Variants in PHF21B observed in about 807,000 individuals in gnomAD.
PHF21B encodes the protein PHD finger protein 4.
A neutral mutation model predicts 62.2 loss-of-function variants in PHF21B; 22 were observed. The ratio of observed to expected loss-of-function variants is 0.35; its 90% CI spans 0.25 to 0.51. The LOEUF is 0.51. PHF21B is among the 20% of genes least tolerant of loss of function. The pLI, the probability that PHF21B is intolerant of heterozygous loss-of-function variation, is 0.97. For missense variants in PHF21B, 701 were observed against 707.9 expected, an observed-to-expected ratio of 0.99 and a Z score of 0.11; for synonymous variants, 341 against 314.7, an observed-to-expected ratio of 1.08 and a Z score of -0.88.
chr22:44,885,857 C>A lies in PHF21B; in HGVS notation c.1273+6G>T, dbSNP rs1336290789. The A allele has an allele frequency of 6.2e-7, 1 of 1,613,816 alleles. No individual in the cohort carries two copies. The highest frequency in any genetic ancestry group is 8.5e-7 in the Non-Finnish European group (1 of 1,179,764). ...TACCCTTTTCCACTCCCCAGGGATG[C>A]CTCACCTGTCTTGTGGGTGACATAA... On this transcript the variant is annotated splice_donor_region_variant and intron_variant, in intron 11 of 12. Transcript: ENST00000313237.
chr22:44,924,954 G>A (rs573279190), intron 2 of PHF21B, among the ~76,000 whole-genome samples: 1 of 152,118 alleles, frequency 6.6e-6, no homozygotes, highest in Non-Finnish European at 1.5e-5. Context: ...ATCTTCACAC[G>A]ACAGAGTATT....
intron 2 of PHF21B, among the ~76,000 whole-genome samples, chr22:44,961,945 AT>A (rs145656480): frequency 1.2e-4 from 18 of 151,910 alleles, no homozygotes; most frequent in South Asian, 2.1e-4. Flanking sequence ...GCATTATTTT[AT>A]TTTTTTTATG....
At chr22:44,912,051 T>C (rs62232243) in intron 5 of PHF21B, among the ~76,000 whole-genome samples, 13,896 of 152,332 alleles carry the variant, frequency 0.091, 688 homozygotes, top group Non-Finnish European at 0.1. Context: ...AAGGTTTAAC[T>C]GCCCCACCAG....
At chr22:44,885,577 G>C (rs1231198946) in intron 11 of PHF21B, 48 bp from the exon 12 acceptor site, 1 of 1,523,474 alleles carries the variant, frequency 6.6e-7, no homozygotes, top group Admixed American at 2.0e-5. Flanking sequence ...GTAAGGAGCG[G>C]CTGGGTCGTA....
chr22:44,924,563 C>T (rs1297645287), intron 2 of PHF21B, among the ~76,000 whole-genome samples: 1 of 152,204 alleles, frequency 6.6e-6, no homozygotes, highest in East Asian at 1.9e-4. Context: ...TCCTCTCTCT[C>T]TCTCATTCTC....
At chr22:44,988,858 T>C (rs1296712516) in intron 2 of PHF21B, among the ~76,000 whole-genome samples, 1 of 152,112 alleles carries the variant, frequency 6.6e-6, no homozygotes, top group Admixed American at 6.5e-5. Flanking sequence ...GGCTGGGAAG[T>C]CCACGTGGAG....
Position 44,920,421 on chromosome 22 carries a change from G to A in PHF21B, c.190C>T (p.Gln64Ter). 6.2e-7 allele frequency: 1 copy of A among 1,611,992 alleles called. No homozygotes were observed. The highest frequency in any genetic ancestry group is 1.1e-5 in the South Asian group (1 of 90,730). Reference protein sequence around the residue: ...QVSSLQRLAGQGAAVLPQVRP... With the variant: ...QVSSLQRLAG Reference sequence around the variant, plus strand: ...ACCTGAGGTAGCACTGCCGCTCCTTGCCCGGCCAACCTCTGCAAGGAGCTG... The same window carrying A: ...ACCTGAGGTAGCACTGCCGCTCCTTACCCGGCCAACCTCTGCAAGGAGCTG... The change falls in exon 3 of 13, where the codon CAA becomes TAA. Residue 64 changes from glutamine to a stop codon, truncating the protein, a stop_gained. Transcript: ENST00000313237. LOFTEE classifies it high-confidence loss of function.
intron 9 of PHF21B, among the ~76,000 whole-genome samples, chr22:44,888,327 G>T (rs540872522): frequency 3.5e-4 from 54 of 152,310 alleles, no homozygotes; most frequent in African/African-American, 7.5e-4. Context: ...AGGAGGGGGG[G>T]CACCCACAGG....
chr22:44,978,358 GTTTGT>G (rs1485155893), intron 2 of PHF21B, among the ~76,000 whole-genome samples: 1 of 152,008 alleles, frequency 6.6e-6, no homozygotes, highest in African/African-American at 2.4e-5. Flanking sequence ...TTTTGTTTTT[GTTTGT>G]TTTGTTTGTT....
chr22:44,889,926 G>A (rs916157160), intron 8 of PHF21B, 144 bp from the exon 9 acceptor site: 19 of 774,900 alleles, frequency 2.5e-5, no homozygotes, highest in East Asian at 6.5e-5. Flanking sequence ...TGATACCTGG[G>A]CTCTCACCCC....
rs1299173525 is a variant in PHF21B at position 45,009,754 on chromosome 22, C to CGGCTGCCCCAACTCCTCA, written c.-223_-206dup. On this transcript the variant is annotated 5_prime_UTR_variant, in exon 1 of 13. Coordinates refer to ENST00000313237, the MANE Select transcript of PHF21B (RefSeq NM_138415.5). This position sits in a 1 kb window ranked among gnomAD's most constrained non-coding sequence, Gnocchi z 5.9. ...TCCGGGCGCCGCGGCGCCGAGCCCT[C>CGGCTGCCCCAACTCCTCA]GGCTGCCCCAACTCCTCAGGCTGCC... 3 of 434,808 alleles carry CGGCTGCCCCAACTCCTCA rather than the reference C, an allele frequency of 6.9e-6. No individual in the cohort carries two copies. In the East Asian group the frequency reaches 1.3e-4, roughly 18 times the overall value. The allele number at this position is 434,808 out of a possible 1,614,324, so 26.9% of individuals were successfully genotyped here.
intron 2 of PHF21B, among the ~76,000 whole-genome samples, chr22:44,928,876 G>A (rs951545347): frequency 1.3e-5 from 2 of 152,188 alleles, no homozygotes; most frequent in Non-Finnish European, 2.9e-5. Context: ...GGGCTGCAGA[G>A]GCCCCCCACC....
chr22:44,889,168 C>A (rs2070915105), intron 9 of PHF21B, among the ~76,000 whole-genome samples: 1 of 152,012 alleles, frequency 6.6e-6, no homozygotes, highest in Non-Finnish European at 1.5e-5. Flanking sequence ...AGAATTAGAT[C>A]AGAAATTCAG....
At chr22:44,966,256 C>T (rs1210083717) in intron 2 of PHF21B, among the ~76,000 whole-genome samples, 4 of 152,232 alleles carry the variant, frequency 2.6e-5, no homozygotes, top group African/African-American at 9.7e-5. Flanking sequence ...CCCAACCACG[C>T]GACGAGCCCT....
chr22:44,885,952 G>A lies in PHF21B; in HGVS notation c.1198-14C>T, dbSNP rs761722929. On this transcript the variant is annotated splice_polypyrimidine_tract_variant and intron_variant, in intron 10 of 12. Transcript: ENST00000313237. Reference sequence around the variant, plus strand: ...TTTCTTTAAGGCCTGGGGAGCAGACGGGGAGATGAAAAAGTGGACAGGCCC... The same window carrying A: ...TTTCTTTAAGGCCTGGGGAGCAGACAGGGAGATGAAAAAGTGGACAGGCCC... 32 of 1,613,174 alleles carry A rather than the reference G, an allele frequency of 2.0e-5. No individual in the cohort carries two copies. Among genetic ancestry groups the A allele is most frequent in the African/African-American group, 2.7e-5 (2 of 75,028 alleles).
Position 44,913,903 on chromosome 22 carries a change from C to T in PHF21B, c.750G>A (p.Pro250=), listed in dbSNP as rs749543133. ...CTCCCTGAGATGGCTCCTCTGTGGG[C>T]GGCCGCGACTCTGCCGTGCTCTCGG... is the stretch of plus-strand genomic sequence containing the variant. ...TQPESTAESR[P]PTEEPSQGAQ... is the part of the protein sequence containing the mutation. Residue 250 remains proline (P), a synonymous_variant, in exon 5 of 13, where the codon CCG becomes CCA. Coordinates refer to ENST00000313237, the MANE Select transcript of PHF21B (RefSeq NM_138415.5). The T allele has an allele frequency of 1.7e-5, 27 of 1,612,690 alleles. 1 individual carries two copies. In the South Asian group the frequency reaches 1.9e-4, roughly 11 times the overall value.
At chr22:44,995,991 G>A (rs531151407) in intron 2 of PHF21B, among the ~76,000 whole-genome samples, 2 of 152,254 alleles carry the variant, frequency 1.3e-5, no homozygotes, top group African/African-American at 4.8e-5. Context: ...GATCTGCAGG[G>A]GTGTCCCTTC....
At chr22:44,922,293 A>T (rs1229349330) in intron 2 of PHF21B, among the ~76,000 whole-genome samples, 2 of 152,238 alleles carry the variant, frequency 1.3e-5, no homozygotes, top group East Asian at 3.8e-4. Context: ...AGCTGTTAGG[A>T]CTAATAAATG....
At chr22:44,972,875 T>G (rs2072665600) in intron 2 of PHF21B, among the ~76,000 whole-genome samples, 1 of 151,702 alleles carries the variant, frequency 6.6e-6, no homozygotes, top group Admixed American at 6.6e-5. Context: ...ACAGGCCTGG[T>G]GCCAAGGCCC....
Sources: gnomAD v4.1 joint callset for allele counts (sites outside exome capture counted in the v4.1 genomes callset) on GRCh38, gnomAD v4.1.1 for gene constraint, Gnocchi (gnomAD v3.1) non-coding constraint, MANE v1.5 for transcripts, NCBI Gene and HGNC (gene_info 2026-07-23, HGNC 2026-07-21) for gene names.